CAMSAP3: variants seen among roughly 807,000 people sequenced by gnomAD.
The protein encoded by CAMSAP3 is calmodulin regulated spectrin associated protein family member 3, also known as calmodulin-regulated spectrin-associated protein 3.
Under a neutral mutation model 112.5 loss-of-function variants are expected in CAMSAP3, and 34 were observed. That is an observed-to-expected ratio of 0.30 (90% CI 0.23 to 0.40). The LOEUF is 0.40. Among genes scored for constraint, CAMSAP3 ranks in the 10% least tolerant of loss-of-function variants. The probability of loss-of-function intolerance (pLI) is 1.00; values close to 1 mark genes in which losing one functional copy is unlikely to be tolerated. For missense variants in CAMSAP3, 1,602 were observed against 1,770.3 expected, an observed-to-expected ratio of 0.90 and a Z score of 1.71; for synonymous variants, 868 against 799.8, an observed-to-expected ratio of 1.09 and a Z score of -1.44.
chr19:7,611,937 A>C lies in CAMSAP3; in HGVS notation c.1444A>C (p.Ser482Arg). The change falls in exon 11 of 17, where the codon AGC becomes CGC. Residue 482 changes from serine (S) to arginine (R), a missense_variant. This residue lies in a region of CAMSAP3 where 1,100 missense variants were observed against 1,135.7 expected (regional missense o/e 0.97). Transcript: ENST00000160298. This position sits in a 1 kb window ranked among gnomAD's most constrained non-coding sequence, Gnocchi z 6.9. ...RLLPDGAADG[S>R]FYLHSPEGPS... is the part of the protein sequence containing the mutation. ...CCTCCCAGATGGGGCGGCCGACGGC[A>C]GCTTCTACCTCCACTCCCCTGAGGG... 6.3e-7 allele frequency: 1 copy of C among 1,596,344 alleles called. No homozygotes were observed. Among genetic ancestry groups the C allele is most frequent in the South Asian group, 1.1e-5 (1 of 90,180 alleles).
In CAMSAP3 at chr19:7,611,120, C is replaced by A; in HGVS notation, c.1075C>A (p.Pro359Thr). Residue 359 changes from proline to threonine, a missense_variant, in exon 9 of 17, where the codon CCG becomes ACG. This residue lies in a region of CAMSAP3 where 1,100 missense variants were observed against 1,135.7 expected (regional missense o/e 0.97). Transcript: ENST00000160298. The surrounding 1 kb of genome is among the most constrained non-coding windows in gnomAD (Gnocchi z 6.9). The part of the protein sequence containing the change: ...SSSPVFTFRH[P>T]LLSSGGPQSP... ...TTCTCCTGTCTTCACCTTCCGCCAC[C>A]CGCTTCTGTCATCTGGTGGCCCCCA... The A allele has an allele frequency of 6.2e-7, 1 of 1,613,738 alleles. No homozygotes were observed. The highest frequency in any genetic ancestry group is 8.5e-7 in the Non-Finnish European group (1 of 1,179,960).
chr19:7,606,151 G>GCCCCCCCCCCCCCCCCCCCCCCCCCCCCC, intron 2 of CAMSAP3, 120 bp from the exon 3 acceptor site: 1 of 151,402 alleles, frequency 6.6e-6, no homozygotes, highest in Non-Finnish European at 1.2e-5. Flanking sequence ...GCCCCCTCAA[G>GCCCCCCCCCCCCCCCCCCCCCCCCCCCCC]CCCCACCCCC....
intron 11 of CAMSAP3, among the ~76,000 whole-genome samples, chr19:7,613,863 G>GTAAA (rs1179873738): frequency 9.2e-5 from 14 of 152,176 alleles, no homozygotes; most frequent in Middle Eastern, 3.4e-3. Context: ...GGACACCTAG[G>GTAAA]GTTACCTGAC....
rs1201619813 is a variant in CAMSAP3 at position 7,615,368 on chromosome 19, C to G, written c.2810+46C>G. 4.6e-6 allele frequency: 7 copies of G among 1,532,206 alleles called. No homozygotes were observed. In the Admixed American group the frequency reaches 1.4e-4, roughly 31 times the overall value. The allele number at this position is 1,532,206 out of a possible 1,614,324, so 94.9% of individuals were successfully genotyped here. Reference sequence around the variant, plus strand: ...GACGCCCGCTCCTTGGCCTGTCTGCCACCGCGGACCCCGTGAGCGGTTCTG... The same window carrying G: ...GACGCCCGCTCCTTGGCCTGTCTGCGACCGCGGACCCCGTGAGCGGTTCTG... On this transcript the variant is annotated intron_variant, in intron 12 of 16. Transcript: ENST00000160298. This position sits in a 1 kb window ranked among gnomAD's most constrained non-coding sequence, Gnocchi z 6.5.
Position 7,614,819 on chromosome 19 carries a change from T to A in CAMSAP3, c.2671-364T>A, listed in dbSNP as rs545315778. On this transcript the variant is annotated intron_variant, in intron 11 of 16. Coordinates refer to ENST00000160298, the MANE Select transcript of CAMSAP3 (RefSeq NM_020902.2). ...GCCCACCTAGTTAAATCCTGATCAT[T>A]CTACAGGGTACTTCCTCTGGGAAGC... 179 of 357,276 alleles carry A rather than the reference T, an allele frequency of 5.0e-4. 1 individual carries two copies. The highest frequency in any genetic ancestry group is 3.8e-3 in the African/African-American group (178 of 47,316). 22.1% of individuals were successfully genotyped at this position (357,276 alleles called of 1,614,324 possible).
Position 7,617,377 on chromosome 19 carries a change from C to T in CAMSAP3, c.3264C>T (p.Arg1088=), listed in dbSNP as rs528931068. 104 of 1,614,138 alleles carry T rather than the reference C, an allele frequency of 6.4e-5. No individual in the cohort carries two copies. The South Asian group carries it at 9.4e-4, about 15-fold the overall frequency. The part of the protein sequence containing the change: ...LMSPSRLPGS[R]ERDWENGSNA... ...CCCCAAGCCGCCTGCCTGGAAGCCG[C>T]GAACGGGACTGGGAAAATGGCAGCA... Residue 1088 remains arginine (R), a synonymous_variant, in exon 15 of 17, where the codon CGC becomes CGT. Coordinates refer to ENST00000160298, the MANE Select transcript of CAMSAP3 (RefSeq NM_020902.2). The surrounding 1 kb of genome is among the most constrained non-coding windows in gnomAD (Gnocchi z 7.5).
In CAMSAP3 at chr19:7,612,936, C is replaced by T; in HGVS notation, c.2443C>T (p.Pro815Ser). The part of the protein sequence containing the change: ...DSLPHLRKFS[P>S]SQVPVQTRSS... The stretch of plus-strand genomic sequence containing the variant: ...CCTCCCCCACCTGCGCAAGTTCTCG[C>T]CGAGCCAGGTGCCCGTGCAGACGCG... Residue 815 changes from proline (P) to serine (S), a missense_variant, in exon 11 of 17, where the codon CCG becomes TCG. This residue lies in a region of CAMSAP3 where 1,100 missense variants were observed against 1,135.7 expected (regional missense o/e 0.97). Coordinates refer to ENST00000160298, the MANE Select transcript of CAMSAP3 (RefSeq NM_020902.2). The T allele has an allele frequency of 4.3e-6, 7 of 1,609,386 alleles. No individual in the cohort carries two copies. The highest frequency in any genetic ancestry group is 5.9e-6 in the Non-Finnish European group (7 of 1,179,048).
chr19:7,614,933 G>C, intron 11 of CAMSAP3: 1 of 584,868 alleles, frequency 1.7e-6, no homozygotes, highest in East Asian at 2.9e-5. Context: ...ACTCACTGCT[G>C]TCTGCTGCTT....
In CAMSAP3 at chr19:7,615,339, C is replaced by T. The variant is rs1346672475; in HGVS notation, c.2810+17C>T. The T allele has an allele frequency of 2.6e-6, 4 of 1,537,528 alleles. No individual in the cohort carries two copies. Among genetic ancestry groups the T allele is most frequent in the East Asian group, 2.5e-5 (1 of 40,622 alleles). On this transcript the variant is annotated intron_variant, in intron 12 of 16. Coordinates refer to ENST00000160298, the MANE Select transcript of CAMSAP3 (RefSeq NM_020902.2). This position sits in a 1 kb window ranked among gnomAD's most constrained non-coding sequence, Gnocchi z 6.5. ...GGCCGCGAGGTGAGGCCGGGCCTGC[C>T]CGGGACGCCCGCTCCTTGGCCTGTC...
intron 1 of CAMSAP3, among the ~76,000 whole-genome samples, chr19:7,597,542 G>C (rs532806718): frequency 6.6e-6 from 1 of 152,142 alleles, no homozygotes; most frequent in Non-Finnish European, 1.5e-5. Context: ...TCTGTTTTGC[G>C]AATGTTTGTG....
chr19:7,607,824 G>A lies in CAMSAP3; in HGVS notation c.622-302G>A, dbSNP rs372278659. On this transcript the variant is annotated intron_variant, in intron 4 of 16. Transcript: ENST00000160298. The surrounding 1 kb of genome is among the most constrained non-coding windows in gnomAD (Gnocchi z 4.9). The stretch of plus-strand genomic sequence containing the variant: ...ATGGCTGCTCCTCTCCCCCCAGCAC[G>A]CAATTGCCTTCTGTTTGAAGGAGTC... 6 of 1,320,834 alleles carry A rather than the reference G, an allele frequency of 4.5e-6. No homozygotes were observed. Among genetic ancestry groups the A allele is most frequent in the Admixed American group, 2.7e-5 (1 of 36,996 alleles). 81.8% of individuals were successfully genotyped at this position (1,320,834 alleles called of 1,614,324 possible).
intron 1 of CAMSAP3, among the ~76,000 whole-genome samples, chr19:7,597,965 C>T (rs902030209): frequency 5.3e-5 from 8 of 152,072 alleles, no homozygotes; most frequent in Non-Finnish European, 1.0e-4. Context: ...GTTCCACTCC[C>T]CTAAAAAGAG....
rs777881112 is a variant in CAMSAP3 at position 7,615,289 on chromosome 19, T to A, written c.2777T>A (p.Val926Glu). 6.5e-7 allele frequency: 1 copy of A among 1,547,114 alleles called. No individual in the cohort carries two copies. The highest frequency in any genetic ancestry group is 2.4e-5 in the East Asian group (1 of 40,834). ...EARRRKQWQE[V>E]EKEQRREEAA... is the part of the protein sequence containing the mutation. ...CGGCGGCGCAAGCAGTGGCAGGAGG[T>A]GGAGAAGGAACAGCGGAGGGAGGAG... The change falls in exon 12 of 17, where the codon GTG becomes GAG. Residue 926 changes from valine (V) to glutamate (E), a missense_variant. Physicochemically the swap from Val to Glu is moderately radical, Grantham distance 121 (BLOSUM62 -2). Coordinates refer to ENST00000160298, the MANE Select transcript of CAMSAP3 (RefSeq NM_020902.2). The surrounding 1 kb of genome is among the most constrained non-coding windows in gnomAD (Gnocchi z 6.5).
chr19:7,601,438 C>T (rs1004106283), intron 1 of CAMSAP3, among the ~76,000 whole-genome samples: 2 of 152,122 alleles, frequency 1.3e-5, no homozygotes, highest in Non-Finnish European at 2.9e-5. Flanking sequence ...CGTGCCTCAG[C>T]CTCCTGAGTA....
rs1210824580 is a variant in CAMSAP3 at position 7,612,538 on chromosome 19, T to C, written c.2045T>C (p.Val682Ala). Residue 682 changes from valine (V) to alanine (A), a missense_variant, in exon 11 of 17, where the codon GTG becomes GCG. By Grantham distance (64) the Val-to-Ala change is moderately conservative (BLOSUM62 0). Around this residue, in one of 6 missense-constraint regions of CAMSAP3, gnomAD observed 1,100 missense variants for 1,135.7 expected, o/e 0.97. Coordinates refer to ENST00000160298, the MANE Select transcript of CAMSAP3 (RefSeq NM_020902.2). The part of the protein sequence containing the change: ...QGEPTSRPKA[V>A]TFSPDLGPVP... ...GAGCCAACCTCACGGCCCAAGGCAG[T>C]GACCTTCTCGCCAGACCTGGGCCCG... The C allele has an allele frequency of 6.5e-6, 10 of 1,536,922 alleles. No individual in the cohort carries two copies. Among genetic ancestry groups the C allele is most frequent in the Admixed American group, 2.0e-5 (1 of 50,996 alleles).
intron 1 of CAMSAP3, among the ~76,000 whole-genome samples, chr19:7,604,843 G>A (rs1198372879): frequency 6.6e-6 from 1 of 152,152 alleles, no homozygotes; most frequent in South Asian, 2.1e-4. Context: ...ACATTGGCAA[G>A]AGCAGGAAGG....
In CAMSAP3 at chr19:7,613,082, C is replaced by T; in HGVS notation, c.2589C>T (p.Ser863=). Residue 863 remains serine (S), a synonymous_variant, in exon 11 of 17, where the codon AGC becomes AGT. Coordinates refer to ENST00000160298, the MANE Select transcript of CAMSAP3 (RefSeq NM_020902.2). ...CCGCCGAGGACGAGGGAGACGGGAG[C>T]CCCGCTGGTGCTGAGGATTCCTTGG... ...DPAAEDEGDG[S]PAGAEDSLEE... 1 of 1,547,338 alleles carries T rather than the reference C, an allele frequency of 6.5e-7. No homozygotes were observed. Among genetic ancestry groups the T allele is most frequent in the Non-Finnish European group, 8.7e-7 (1 of 1,146,544 alleles).
chr19:7,606,482 C>T lies in CAMSAP3; in HGVS notation c.532C>T (p.Arg178Trp), dbSNP rs2030229277. The change falls in exon 4 of 17, where the codon CGG (arginine) becomes TGG (tryptophan). Residue 178 changes from arginine (R) to tryptophan (W), a missense_variant. This residue lies in a region of CAMSAP3 where 112 missense variants were observed against 94.2 expected (regional missense o/e 1.19). Transcript: ENST00000160298. ...CCCCCTCCCTGCCCTCCAGACCGTC[C>T]GGCGGCTGCAGGAGAAGACCGAGCA... is the stretch of plus-strand genomic sequence containing the variant. Reference protein sequence around the residue: ...KLLFWVDTTVRRLQEKTEQEA... With the variant: ...KLLFWVDTTVWRLQEKTEQEA... 1 of 1,590,504 alleles carries T rather than the reference C, an allele frequency of 6.3e-7. No homozygotes were observed. Among genetic ancestry groups the T allele is most frequent in the Non-Finnish European group, 8.5e-7 (1 of 1,174,058 alleles).
chr19:7,612,945 G>A lies in CAMSAP3; in HGVS notation c.2452G>A (p.Val818Met), dbSNP rs368057453. Residue 818 changes from valine (V) to methionine (M), a missense_variant, in exon 11 of 17, where the codon GTG becomes ATG. Physicochemically the swap from Val to Met is conservative, Grantham distance 21. Transcript: ENST00000160298. Reference sequence around the variant, plus strand: ...CCTGCGCAAGTTCTCGCCGAGCCAGGTGCCCGTGCAGACGCGCTCTTCCAT... The same window carrying A: ...CCTGCGCAAGTTCTCGCCGAGCCAGATGCCCGTGCAGACGCGCTCTTCCAT... ...PHLRKFSPSQVPVQTRSSILL... is the reference protein window; with the variant it reads ...PHLRKFSPSQMPVQTRSSILL... The A allele has an allele frequency of 1.1e-5, 18 of 1,608,686 alleles. No homozygotes were observed. Among genetic ancestry groups the A allele is most frequent in the Non-Finnish European group, 1.5e-5 (18 of 1,178,958 alleles).
Sources: allele counts gnomAD v4.1 joint callset (sites outside exome capture counted in the v4.1 genomes callset), GRCh38; gene constraint gnomAD v4.1.1; regional missense constraint gnomAD v4.1.1; non-coding constraint Gnocchi (gnomAD v3.1); transcripts MANE v1.5; gene names NCBI Gene and HGNC (gene_info 2026-07-23, HGNC 2026-07-21).